NTM: variants seen among roughly 807,000 people sequenced by gnomAD.
NTM encodes IgLON family member 2.
In NTM, 13 loss-of-function variants were observed where a neutral mutation model predicts 42.1. The ratio of observed to expected loss-of-function variants is 0.31; its 90% CI spans 0.20 to 0.49. NTM has a LOEUF of 0.49. Ranked by LOEUF, NTM falls within the 20% of genes least tolerant of loss-of-function variation. NTM has a pLI of 0.99. For synonymous variants in NTM, 187 were observed against 179.2 expected (o/e 1.04, Z -0.35); for missense variants, 373 against 452.8 (o/e 0.82, Z 1.60).
chr11:132,267,071 C>G (rs956241011), intron 4 of NTM, among the ~76,000 whole-genome samples: 6 of 152,264 alleles, frequency 3.9e-5, no homozygotes, highest in Non-Finnish European at 7.4e-5. Flanking sequence ...TTTTCATGTG[C>G]TAGCACCTTG....
At chr11:132,318,163 A>G (rs974349577) in intron 7 of NTM, among the ~76,000 whole-genome samples, 1 of 152,170 alleles carries the variant, frequency 6.6e-6, no homozygotes, top group Non-Finnish European at 1.5e-5. Flanking sequence ...GCACTGCATG[A>G]GTGGTTGCCA....
chr11:131,842,033 T>C (rs1049705532), intron 1 of NTM, among the ~76,000 whole-genome samples: 1 of 152,190 alleles, frequency 6.6e-6, no homozygotes, highest in African/African-American at 2.4e-5. Context: ...GAGAAACGTA[T>C]GGATCATACA....
intron 3 of NTM, among the ~76,000 whole-genome samples, chr11:132,208,840 G>A (rs573244582): frequency 2.6e-5 from 4 of 152,166 alleles, no homozygotes; most frequent in Admixed American, 1.3e-4. Flanking sequence ...TGGCATTGGC[G>A]TGACATAATC....
In NTM at chr11:132,237,872, G is replaced by A. The variant is rs571578982; in HGVS notation, c.526+25725G>A. On this transcript the variant is annotated intron_variant, in intron 4 of 8. Coordinates refer to ENST00000683400, the MANE Select transcript of NTM (RefSeq NM_001352005.2). ...AACCCTTTCAATAGGCTTGAATTCT[G>A]TCGGCAGCCCAACCATCCCCTTGTT... Among the ~76,000 whole-genome samples, 7 of 152,274 alleles carry A rather than the reference G, an allele frequency of 4.6e-5. No individual in the cohort carries two copies. In the South Asian group the frequency reaches 1.2e-3, roughly 27 times the overall value.
intron 2 of NTM, among the ~76,000 whole-genome samples, chr11:132,136,288 C>T (rs2067905952): frequency 6.6e-6 from 1 of 152,216 alleles, no homozygotes; most frequent in African/African-American, 2.4e-5. Context: ...ACCTACTGTG[C>T]CTCACTCTCA....
intron 1 of NTM, among the ~76,000 whole-genome samples, chr11:131,774,936 G>A (rs2086725075): frequency 2.0e-5 from 3 of 152,218 alleles, no homozygotes; most frequent in Non-Finnish European, 2.9e-5. Flanking sequence ...CTTCCTCTCC[G>A]TTCCCTGCAG....
Position 132,298,893 on chromosome 11 carries a change from T to TACAC in NTM, c.527-8781_527-8778dup, listed in dbSNP as rs58560034. 3.3e-5 allele frequency among the ~76,000 whole-genome samples: 5 copies of TACAC among 151,286 alleles called. No homozygotes were observed. In the South Asian group the frequency reaches 6.3e-4, roughly 19 times the overall value. ...ATTGATAGACACATATATGTGTGTA[T>TACAC]ACACACACACACACACACGAAATTT... On this transcript the variant is annotated intron_variant, in intron 4 of 8. Coordinates refer to ENST00000683400, the MANE Select transcript of NTM (RefSeq NM_001352005.2).
intron 4 of NTM, among the ~76,000 whole-genome samples, chr11:132,285,605 T>C (rs967549134): frequency 6.6e-6 from 1 of 152,116 alleles, no homozygotes; most frequent in African/African-American, 2.4e-5. Flanking sequence ...CCATTACACT[T>C]ATCACTTTTT....
chr11:131,387,477 A>G (rs994878935), intron 1 of NTM, among the ~76,000 whole-genome samples: 2 of 152,232 alleles, frequency 1.3e-5, no homozygotes, highest in Non-Finnish European at 2.9e-5. Context: ...GGAACACTGT[A>G]CATTCCCATC....
intron 1 of NTM, among the ~76,000 whole-genome samples, chr11:131,824,711 A>G (rs574658406): frequency 6.6e-6 from 1 of 152,324 alleles, no homozygotes; most frequent in African/African-American, 2.4e-5. Flanking sequence ...CATGTTGAAT[A>G]GTGAATGAAT....
intron 3 of NTM, among the ~76,000 whole-genome samples, chr11:132,200,220 A>G (rs1174812466): frequency 1.3e-5 from 2 of 151,976 alleles, no homozygotes; most frequent in Admixed American, 1.3e-4. Context: ...CAGTGGGACC[A>G]CCTCCCAGGA....
At chr11:132,224,557 T>C (rs2085816898) in intron 4 of NTM, among the ~76,000 whole-genome samples, 1 of 152,204 alleles carries the variant, frequency 6.6e-6, no homozygotes, top group South Asian at 2.1e-4. Context: ...AAACCTCACC[T>C]CACAGATTTC....
intron 1 of NTM, among the ~76,000 whole-genome samples, chr11:131,771,943 C>T (rs2086168619): frequency 6.6e-6 from 1 of 152,106 alleles, no homozygotes; most frequent in African/African-American, 2.4e-5. Flanking sequence ...AGGATTTTTT[C>T]CCCTTCCTTT....
chr11:131,764,242 C>T (rs986396811), intron 1 of NTM, among the ~76,000 whole-genome samples: 1 of 152,140 alleles, frequency 6.6e-6, no homozygotes, highest in Non-Finnish European at 1.5e-5. Context: ...ACATTTGGTA[C>T]TCAGCAGTGG....
chr11:131,457,741 T>C (rs1233977703), intron 1 of NTM, among the ~76,000 whole-genome samples: 2 of 151,958 alleles, frequency 1.3e-5, no homozygotes, highest in Non-Finnish European at 2.9e-5. Flanking sequence ...AATTTATGTG[T>C]TAAAATTTTA....
At chr11:131,733,491 C>T (rs988397177) in intron 1 of NTM, among the ~76,000 whole-genome samples, 4 of 147,064 alleles carry the variant, frequency 2.7e-5, no homozygotes, top group African/African-American at 1.0e-4. Flanking sequence ...TCCTTCCTTC[C>T]TTCCTTCCTT....
intron 4 of NTM, among the ~76,000 whole-genome samples, chr11:132,220,678 C>T (rs2084964101): frequency 6.6e-6 from 1 of 152,162 alleles, no homozygotes; most frequent in African/African-American, 2.4e-5. Flanking sequence ...CTGCTGAATT[C>T]AGACATTGCT....
At chr11:131,485,388 G>A (rs1245245804) in intron 1 of NTM, among the ~76,000 whole-genome samples, 1 of 152,196 alleles carries the variant, frequency 6.6e-6, no homozygotes, top group Non-Finnish European at 1.5e-5. Context: ...ACCACAGCAG[G>A]CATTTTGTAT....
At position 132,002,300 on chromosome 11, in the gene NTM, A is replaced by G. The variant is rs2069477503; in HGVS notation, c.167+90652A>G. On this transcript the variant is annotated intron_variant, in intron 2 of 8. Transcript: ENST00000683400. The surrounding 1 kb of genome is among the most constrained non-coding windows in gnomAD (Gnocchi z 4.5). ...CTGTACAAAAGCGATGAAATTTAAT[A>G]ATTATTTAGTTATTTGGAACATTAA... is the stretch of plus-strand genomic sequence containing the variant. 1.3e-5 allele frequency among the ~76,000 whole-genome samples: 2 copies of G among 152,186 alleles called. No individual in the cohort carries two copies. Among genetic ancestry groups the G allele is most frequent in the Non-Finnish European group, 2.9e-5 (2 of 68,032 alleles).
Sources: allele counts gnomAD v4.1 joint callset (sites outside exome capture counted in the v4.1 genomes callset), GRCh38; gene constraint gnomAD v4.1.1; non-coding constraint Gnocchi (gnomAD v3.1); transcripts MANE v1.5; gene names NCBI Gene and HGNC (gene_info 2026-07-23, HGNC 2026-07-21).